Variants in CFAP91 observed in about 807,000 individuals in gnomAD.
CFAP91 encodes cilia- and flagella-associated protein 91.
In CFAP91, 85 loss-of-function variants were observed where a neutral mutation model predicts 95.9. The observed-to-expected ratio is 0.89, with a 90% CI of 0.74 to 1.06. The LOEUF is 1.06. Ranked by LOEUF, CFAP91 falls within the 50% of genes least tolerant of loss-of-function variation. The pLI is 0.00. For synonymous variants in CFAP91, 335 were observed against 327.5 expected (o/e 1.02, Z -0.25); for missense variants, 962 against 943.4 (o/e 1.02, Z -0.26).
Position 119,733,632 on chromosome 3 carries a change from T to C in CFAP91, c.1344+126T>C, listed in dbSNP as rs146772887. 499 of 956,380 alleles carry C rather than the reference T, an allele frequency of 5.2e-4. 1 individual carries two copies. The African/African-American group carries it at 7.2e-3, about 14-fold the overall frequency. 59.2% of individuals were successfully genotyped at this position (956,380 alleles called of 1,614,324 possible). A position where few individuals can be genotyped will look rare whatever the true frequency, so the allele number is the denominator to read the frequency against. On this transcript the variant is annotated intron_variant, in intron 10 of 17. Transcript: ENST00000273390. ...ACCTACATTCTCTGCTCTGCACTTTTCTGAGGTTGCCCATGCTGTGCTGAA... is the reference window on the plus strand; with the variant it reads ...ACCTACATTCTCTGCTCTGCACTTTCCTGAGGTTGCCCATGCTGTGCTGAA...
At chr3:119,764,871 G>C (rs2054601396) in intron 17 of CFAP91, among the ~76,000 whole-genome samples, 181 bp from the exon 18 acceptor site, 2 of 152,142 alleles carry the variant, frequency 1.3e-5, no homozygotes, top group Non-Finnish European at 2.9e-5. Context: ...ACACTGTGAA[G>C]TAAGAAACAT....
chr3:119,703,117 A>G lies in CFAP91; in HGVS notation c.19A>G (p.Ile7Val), dbSNP rs2053286492. ...CGGCACCATGAGCCACGCAGTAACC[A>G]TCGAGGAGCCCCAGGCCCAGCCGCA... MSHAVTIEEPQAQPQVS... is the reference protein window; with the variant it reads MSHAVTVEEPQAQPQVS... The change falls in exon 1 of 18, where the codon ATC becomes GTC. Residue 7 changes from isoleucine to valine, a missense_variant. Physicochemically the swap from Ile to Val is conservative, Grantham distance 29. Transcript: ENST00000273390. 3 of 1,563,266 alleles carry G rather than the reference A, an allele frequency of 1.9e-6. No homozygotes were observed. The highest frequency in any genetic ancestry group is 2.4e-5 in the East Asian group (1 of 42,072).
intron 14 of CFAP91, among the ~76,000 whole-genome samples, chr3:119,746,347 A>G (rs979794864): frequency 2.0e-5 from 3 of 152,188 alleles, no homozygotes; most frequent in African/African-American, 7.2e-5. Context: ...GTTTGCTTGC[A>G]ATGCACTTTT....
chr3:119,725,279 T>A lies in CFAP91; in HGVS notation c.683-892T>A, dbSNP rs542489794. ...GTTGGCTTAGGTCTCAGCCAGTGTC[T>A]CGGAGCTGGTCAGGAGACATATCCA... On this transcript the variant is annotated intron_variant, in intron 6 of 17. Coordinates refer to ENST00000273390, the MANE Select transcript of CFAP91 (RefSeq NM_033364.4). Among the ~76,000 whole-genome samples, 4 of 152,298 alleles carry A rather than the reference T, an allele frequency of 2.6e-5. No individual in the cohort carries two copies. The South Asian group carries it at 8.3e-4, about 32-fold the overall frequency.
At chr3:119,703,436 C>T (rs2053297710) in intron 1 of CFAP91, among the ~76,000 whole-genome samples, 1 of 152,210 alleles carries the variant, frequency 6.6e-6, no homozygotes, top group Non-Finnish European at 1.5e-5. Flanking sequence ...CATCGAAAGG[C>T]GCGGGTGCGC....
At chr3:119,740,522 G>A (rs1365891573) in intron 12 of CFAP91, 27 bp from the exon 13 acceptor site, 2 of 1,580,484 alleles carry the variant, frequency 1.3e-6, no homozygotes, top group Non-Finnish European at 1.7e-6. Context: ...TAACTTGCAG[G>A]TCTGTCTTTG....
At chr3:119,714,658 T>G (rs1267709382) in intron 5 of CFAP91, among the ~76,000 whole-genome samples, 2 of 152,226 alleles carry the variant, frequency 1.3e-5, no homozygotes, top group Non-Finnish European at 2.9e-5. Context: ...TACTCATTTT[T>G]CCATGGGGTA....
chr3:119,737,297 A>C, intron 10 of CFAP91, 69 bp from the exon 11 acceptor site: 1 of 892,806 alleles, frequency 1.1e-6, no homozygotes, highest in Non-Finnish European at 1.8e-6. Flanking sequence ...AAAAAACTGC[A>C]CTTTTACCTC....
intron 1 of CFAP91, among the ~76,000 whole-genome samples, chr3:119,705,190 A>T (rs1474284931): frequency 6.6e-6 from 1 of 152,182 alleles, no homozygotes; most frequent in East Asian, 1.9e-4. Flanking sequence ...AAAGCTCACC[A>T]CCAATTGTAT....
rs556125660 is a variant in CFAP91 at position 119,738,332 on chromosome 3, C to CTTTTTTTTTTTTTTTTT, written c.1461+868_1461+884dup. 1.2e-3 allele frequency among the ~76,000 whole-genome samples: 27 copies of CTTTTTTTTTTTTTTTTT among 23,074 alleles called. 10 individuals are homozygous for CTTTTTTTTTTTTTTTTT. The highest frequency in any genetic ancestry group is 2.1e-3 in the Non-Finnish European group (20 of 9,470). 15.1% of individuals were successfully genotyped at this position (23,074 alleles called of 152,430 possible). ...TGCAGGGCTTTGGTTGACATATTGT[C>CTTTTTTTTTTTTTTTTT]TTTTTTTTTTTTTTTTTTTTTTTTT... is the stretch of plus-strand genomic sequence containing the variant. On this transcript the variant is annotated intron_variant, in intron 11 of 17. Transcript: ENST00000273390.
At chr3:119,757,059 A>G (rs2054444347) in intron 17 of CFAP91, among the ~76,000 whole-genome samples, 1 of 152,204 alleles carries the variant, frequency 6.6e-6, no homozygotes, top group Non-Finnish European at 1.5e-5. Context: ...ATTGAAAAAG[A>G]TACCATAAAA....
chr3:119,721,379 C>T (rs895124182), intron 6 of CFAP91, among the ~76,000 whole-genome samples: 2 of 152,164 alleles, frequency 1.3e-5, no homozygotes, highest in East Asian at 1.9e-4. Flanking sequence ...AAACATCATA[C>T]TAAAGGTGAA....
chr3:119,740,871 G>GTT, intron 13 of CFAP91, 176 bp downstream of exon 13: 1 of 739,352 alleles, frequency 1.4e-6, no homozygotes, highest in Non-Finnish European at 2.2e-6. Context: ...GTGTGTGTGT[G>GTT]TGTGATGGAG....
At position 119,747,896 on chromosome 3, in the gene CFAP91, G is replaced by A. The variant is rs748484161; in HGVS notation, c.2137G>A (p.Glu713Lys). The stretch of plus-strand genomic sequence containing the variant: ...AGAGGTGCAAAAATACTTTGTCAAA[G>A]AAAAAGGTAAGCCAATGTAAATGCT... ...IPEVQKYFVK[E>K]KVRNAQRKHI... Residue 713 changes from glutamate (E) to lysine (K), a missense_variant, in exon 16 of 18, where the codon GAA becomes AAA. Transcript: ENST00000273390. The A allele has an allele frequency of 6.2e-7, 1 of 1,610,550 alleles. No homozygotes were observed. The highest frequency in any genetic ancestry group is 8.5e-7 in the Non-Finnish European group (1 of 1,177,784).
intron 17 of CFAP91, among the ~76,000 whole-genome samples, chr3:119,753,239 T>C (rs1286922274): frequency 2.6e-5 from 4 of 152,056 alleles, no homozygotes; most frequent in African/African-American, 9.7e-5. Flanking sequence ...TTTTAAAAGC[T>C]TTGCAAAACA....
At chr3:119,715,930 T>G (rs113394542) in intron 6 of CFAP91, 187 bp downstream of exon 6, 2 of 612,092 alleles carry the variant, frequency 3.3e-6, no homozygotes, top group Admixed American at 5.8e-5. Context: ...ATCTTTTTAT[T>G]GTGAGTAGTT....
intron 16 of CFAP91, chr3:119,750,537 GTTAC>G (rs2054306361): frequency 5.1e-6 from 1 of 196,832 alleles, no homozygotes; most frequent in African/African-American, 2.4e-5. Context: ...ATATTTGTAA[GTTAC>G]TTACACTCTA....
intron 5 of CFAP91, among the ~76,000 whole-genome samples, chr3:119,714,167 C>T (rs751514546): frequency 6.6e-5 from 10 of 151,614 alleles, no homozygotes; most frequent in Non-Finnish European, 1.5e-4. Flanking sequence ...TCGGGACCAT[C>T]CTGGCTAACA....
At chr3:119,750,840 AT>A (rs2054311009) in intron 16 of CFAP91, 96 bp from the exon 17 acceptor site, 1 of 1,452,288 alleles carries the variant, frequency 6.9e-7, no homozygotes, top group African/African-American at 1.4e-5. Flanking sequence ...TTTACCTTTA[AT>A]TTGCAAAATT....
Sources: gnomAD v4.1 joint callset for allele counts (sites outside exome capture counted in the v4.1 genomes callset) on GRCh38, gnomAD v4.1.1 for gene constraint, MANE v1.5 for transcripts, NCBI Gene and HGNC (gene_info 2026-07-23, HGNC 2026-07-21) for gene names.